The following FGGY variants were observed in gnomAD, a reference collection of about 807,000 sequenced individuals.
The protein encoded by FGGY is FGGY carbohydrate kinase domain containing, also known as FGGY carbohydrate kinase domain-containing protein.
In FGGY, 72 loss-of-function variants were observed where a neutral mutation model predicts 71.3. The observed-to-expected ratio is 1.01, with a 90% confidence interval of 0.84 to 1.23. FGGY has a LOEUF of 1.23. Ranked by LOEUF, FGGY falls within the 50% of genes most tolerant of loss-of-function variation. The pLI is 0.00. For missense variants in FGGY, 668 were observed against 682.3 expected, an observed-to-expected ratio of 0.98 and a Z score of 0.23; for synonymous variants, 251 against 250.3, an observed-to-expected ratio of 1.00 and a Z score of -0.02.
intron 5 of FGGY, among the ~76,000 whole-genome samples, chr1:59,434,976 CT>C: frequency 6.6e-6 from 1 of 152,152 alleles, no homozygotes; most frequent in East Asian, 1.9e-4. Flanking sequence ...TTTACAACTC[CT>C]TATTGACAGA....
chr1:59,572,549 G>A (rs1455190870), intron 8 of FGGY, among the ~76,000 whole-genome samples: 1 of 152,156 alleles, frequency 6.6e-6, no homozygotes, highest in Non-Finnish European at 1.5e-5. Context: ...CCAGTTTGGA[G>A]AACAAATTGG....
chr1:59,667,362 G>A lies in FGGY; in HGVS notation c.1376G>A (p.Ser459Asn). ...ACTCTTTTCCTATGTGGAGGCCTCA[G>A]CAAGAATCCCCTTTTTGTGCAAATG... Reference protein sequence around the residue: ...ISTLFLCGGLSKNPLFVQMHA... With the variant: ...ISTLFLCGGLNKNPLFVQMHA... The change falls in exon 13 of 16, where the codon AGC becomes AAC. Residue 459 changes from serine to asparagine, a missense_variant. By Grantham distance (46) the Ser-to-Asn change is conservative. Coordinates refer to ENST00000303721, the MANE Select transcript of FGGY (RefSeq NM_018291.5). The A allele has an allele frequency of 1.2e-6, 2 of 1,614,194 alleles. No individual in the cohort carries two copies. The highest frequency in any genetic ancestry group is 2.2e-5 in the South Asian group (2 of 91,084).
intron 14 of FGGY, among the ~76,000 whole-genome samples, chr1:59,733,499 T>C (rs1273786658): frequency 6.6e-6 from 1 of 152,016 alleles, no homozygotes; most frequent in East Asian, 1.9e-4. Context: ...GCAAGCACCT[T>C]CACATCTCAG....
chr1:59,724,770 A>G (rs944178979), intron 14 of FGGY, among the ~76,000 whole-genome samples: 5 of 152,144 alleles, frequency 3.3e-5, no homozygotes, highest in East Asian at 1.9e-4. Flanking sequence ...TGCCATCTAT[A>G]TATCTTCTTT....
chr1:59,558,108 G>A (rs1049003875), intron 8 of FGGY, among the ~76,000 whole-genome samples: 8 of 152,146 alleles, frequency 5.3e-5, no homozygotes, highest in African/African-American at 1.9e-4. Context: ...TTCTGCATCT[G>A]TTAAATGTGA....
intron 4 of FGGY, among the ~76,000 whole-genome samples, chr1:59,373,208 A>C (rs1048476988): frequency 1.3e-5 from 2 of 152,178 alleles, no homozygotes; most frequent in African/African-American, 4.8e-5. Context: ...CAACTTCAGC[A>C]AAGTCTCAGG....
chr1:59,532,066 G>T (rs2095160014), intron 7 of FGGY, among the ~76,000 whole-genome samples: 1 of 152,184 alleles, frequency 6.6e-6, no homozygotes, highest in Non-Finnish European at 1.5e-5. Context: ...AAGTCCATAT[G>T]CTGGTGGTAT....
intron 13 of FGGY, 46 bp from the exon 14 acceptor site, chr1:59,673,993 C>G: frequency 1.3e-6 from 2 of 1,570,050 alleles, no homozygotes. Flanking sequence ...TCCTCACACT[C>G]CCCTGGCTCT....
At chr1:59,316,321 A>G (rs986444099) in intron 1 of FGGY, 4 of 152,176 alleles carry the variant, frequency 2.6e-5, no homozygotes, top group Admixed American at 2.0e-4. Flanking sequence ...TGGCGCCTTA[A>G]GAAATAGGGT....
Position 59,608,638 on chromosome 1 carries a change from G to A in FGGY, c.1011+728G>A, listed in dbSNP as rs373602865. On this transcript the variant is annotated intron_variant, in intron 9 of 15. Transcript: ENST00000303721. Reference sequence around the variant, plus strand: ...ACCTGAGGTCTGAAGCTCAAGGACAGCCTGACCAACATGGTGAAACCTCAT... The same window carrying A: ...ACCTGAGGTCTGAAGCTCAAGGACAACCTGACCAACATGGTGAAACCTCAT... Among the ~76,000 whole-genome samples, 147 of 152,236 alleles carry A rather than the reference G, an allele frequency of 9.7e-4. 1 individual carries two copies. Among genetic ancestry groups the A allele is most frequent in the South Asian group, 9.1e-3 (44 of 4,822 alleles).
At chr1:59,358,496 C>A (rs940454291) in intron 4 of FGGY, among the ~76,000 whole-genome samples, 1 of 151,720 alleles carries the variant, frequency 6.6e-6, no homozygotes, top group Non-Finnish European at 1.5e-5. Context: ...CGCCCTGCCA[C>A]CCCCCCGCCA....
chr1:59,547,696 T>C, intron 7 of FGGY, among the ~76,000 whole-genome samples: 1 of 152,216 alleles, frequency 6.6e-6, no homozygotes, highest in East Asian at 1.9e-4. Context: ...CCTTTAGTCT[T>C]TACCAGTGAT....
chr1:59,495,742 TCTTTC>T (rs2094010193), intron 6 of FGGY, among the ~76,000 whole-genome samples: 1 of 151,402 alleles, frequency 6.6e-6, no homozygotes, highest in African/African-American at 2.4e-5. Flanking sequence ...GGGGGAGGGG[TCTTTC>T]CTTATTGCTT....
intron 9 of FGGY, among the ~76,000 whole-genome samples, chr1:59,609,092 G>T (rs1402680570): frequency 1.3e-5 from 2 of 152,162 alleles, no homozygotes; most frequent in Non-Finnish European, 2.9e-5. Flanking sequence ...GACAAACCAG[G>T]TAAAGAAGGG....
intron 3 of FGGY, 126 bp from the exon 4 acceptor site, chr1:59,346,121 C>A: frequency 8.0e-7 from 1 of 1,243,784 alleles, no homozygotes; most frequent in Non-Finnish European, 1.1e-6. Context: ...TTTCATTTTG[C>A]ACACTCTTGA....
At chr1:59,486,184 G>A (rs1057077042) in intron 6 of FGGY, among the ~76,000 whole-genome samples, 1 of 152,146 alleles carries the variant, frequency 6.6e-6, no homozygotes, top group African/African-American at 2.4e-5. Context: ...CGCACCCAGA[G>A]GGAGACCATG....
At chr1:59,659,922 T>G (rs7542885) in intron 11 of FGGY, among the ~76,000 whole-genome samples, 11,401 of 152,188 alleles carry the variant, frequency 0.075, 1,150 homozygotes, top group African/African-American at 0.23. Flanking sequence ...GAAAATGTTT[T>G]AAAATAAAAA....
chr1:59,611,236 T>A (rs992442945), intron 9 of FGGY, among the ~76,000 whole-genome samples: 22 of 152,094 alleles, frequency 1.4e-4, no homozygotes, highest in Admixed American at 7.2e-4. Context: ...CCTGACCCCC[T>A]CAGTAGCCTA....
At chr1:59,306,618 C>T (rs1465805013) in intron 1 of FGGY, among the ~76,000 whole-genome samples, 1 of 152,194 alleles carries the variant, frequency 6.6e-6, no homozygotes, top group Non-Finnish European at 1.5e-5. Context: ...TTACTCTTCT[C>T]CTTCCTTTGA....
Sources: allele counts gnomAD v4.1 joint callset (sites outside exome capture counted in the v4.1 genomes callset), GRCh38; gene constraint gnomAD v4.1.1; transcripts MANE v1.5; gene names NCBI Gene and HGNC (gene_info 2026-07-23, HGNC 2026-07-21).